The following ARR3 variants were observed in gnomAD, a reference collection of about 807,000 sequenced individuals.
ARR3 encodes the protein arrestin-C.
In ARR3, 14 loss-of-function variants were observed where a neutral mutation model predicts 35.4. The observed-to-expected ratio is 0.40, with a 90% CI of 0.26 to 0.62. The LOEUF (loss-of-function observed/expected upper bound fraction) is 0.62. ARR3 is among the 20% of genes least tolerant of loss of function. The probability of loss-of-function intolerance (pLI) is 0.46; values close to 1 mark genes in which losing one functional copy is unlikely to be tolerated. For synonymous variants in ARR3, 97 were observed against 119.1 expected (o/e 0.81, Z 1.21); for missense variants, 259 against 303.8 (o/e 0.85, Z 1.10).
intron 12 of ARR3, among the ~76,000 whole-genome samples, chrX:70,279,472 T>C (rs2085669368): frequency 8.8e-6 from 1 of 113,003 alleles, no homozygotes; most frequent in African/African-American, 3.2e-5. Flanking sequence ...CATGCAGCTT[T>C]CGCTGTCTTA....
In ARR3 at chrX:70,277,482, C is replaced by T. The variant is rs137906626; in HGVS notation, c.562C>T (p.Leu188Phe). ...CTCAGCCCAGACCATCCGCCGCTTC[C>T]TTCTGTCAGCTCAGCCCCTACAACT... ...GPSAQTIRRF[L>F]LSAQPLQLQA... is the part of the protein sequence containing the mutation. Residue 188 changes from leucine to phenylalanine, a missense_variant, in exon 9 of 17, where the codon CTT (leucine) becomes TTT (phenylalanine). Physicochemically the swap from Leu to Phe is conservative, Grantham distance 22. Coordinates refer to ENST00000307959, the MANE Select transcript of ARR3 (RefSeq NM_004312.3). The T allele has an allele frequency of 8.3e-7, 1 of 1,211,571 alleles. No individual in the cohort carries two copies. Among genetic ancestry groups the T allele is most frequent in the Non-Finnish European group, 1.1e-6 (1 of 895,347 alleles).
At chrX:70,273,040 T>C in intron 5 of ARR3, among the ~76,000 whole-genome samples, 2 of 110,372 alleles carry the variant, frequency 1.8e-5, no homozygotes, top group Middle Eastern at 4.7e-3. Flanking sequence ...CCATTCTATA[T>C]TCCATTAGCG....
At position 70,277,446 on chromosome X, in the gene ARR3, G is replaced by A. The variant is rs1403993319; in HGVS notation, c.526G>A (p.Gly176Ser). Reference protein sequence around the residue: ...RKVQFAPPEAGPGPSAQTIRR... With the variant: ...RKVQFAPPEASPGPSAQTIRR... ...AGTACAATTTGCACCACCGGAGGCA[G>A]GCCCTGGCCCCTCAGCCCAGACCAT... The change falls in exon 9 of 17, where the codon GGC (glycine) becomes AGC (serine). Residue 176 changes from glycine to serine, a missense_variant. Physicochemically the swap from Gly to Ser is moderately conservative, Grantham distance 56. Coordinates refer to ENST00000307959, the MANE Select transcript of ARR3 (RefSeq NM_004312.3). 8.3e-7 allele frequency: 1 copy of A among 1,210,156 alleles called. No homozygotes were observed. Among genetic ancestry groups the A allele is most frequent in the African/African-American group, 1.7e-5 (1 of 57,248 alleles).
intron 5 of ARR3, among the ~76,000 whole-genome samples, chrX:70,271,760 C>A (rs1452738086): frequency 1.8e-5 from 2 of 111,984 alleles, no homozygotes; most frequent in Non-Finnish European, 1.9e-5. Context: ...TATGGTGGAG[C>A]TTTGATTTGT....
At chrX:70,280,403 C>T in intron 13 of ARR3, 125 bp downstream of exon 13, 2 of 961,132 alleles carry the variant, frequency 2.1e-6, no homozygotes, top group Non-Finnish European at 1.4e-6. Flanking sequence ...AGACCAGGTT[C>T]CCAAACCTGT....
rs1172824943 is a variant in ARR3, at chrX:70,281,001, T to C, written c.1067-98T>C. 4 of 607,534 alleles carry C rather than the reference T, an allele frequency of 6.6e-6. No homozygotes were observed. The African/African-American group carries it at 1.4e-4, about 22-fold the overall frequency. 50.1% of individuals were successfully genotyped at this position (607,534 alleles called of 1,213,427 possible). ...TGTGCTGGAGCAAAGGATTGGGAAG[T>C]TGGGGGGGGGGGAAGTAAAGATACT... is the stretch of plus-strand genomic sequence containing the variant. On this transcript the variant is annotated intron_variant, in intron 15 of 16. Coordinates refer to ENST00000307959, the MANE Select transcript of ARR3 (RefSeq NM_004312.3).
chrX:70,278,155 G>A lies in ARR3; in HGVS notation c.767+17G>A. On this transcript the variant is annotated intron_variant, in intron 11 of 16. Transcript: ENST00000307959. ...GGAATTCACGTGAGCTGGTGCTGGGGCTAGGACCAGAGAGCCAAGGGGTGG... is the reference window on the plus strand; with the variant it reads ...GGAATTCACGTGAGCTGGTGCTGGGACTAGGACCAGAGAGCCAAGGGGTGG... 8.3e-7 allele frequency: 1 copy of A among 1,199,627 alleles called. No homozygotes were observed. The highest frequency in any genetic ancestry group is 1.1e-6 in the Non-Finnish European group (1 of 886,403).
rs763163029 is a variant in ARR3, at chrX:70,276,118, G to A, written c.182G>A (p.Arg61His). ...TTGACATGTGCCTTTCGCTATGGCC[G>A]TGATGACTTGGAAGTGATTGGTCTG... ...VMLTCAFRYG[R>H]DDLEVIGLTF... The change falls in exon 6 of 17, where the codon CGT (arginine) becomes CAT (histidine). Residue 61 changes from arginine (R) to histidine (H), a missense_variant. Arg to His is a conservative substitution (Grantham distance 29). Transcript: ENST00000307959. 1.2e-5 allele frequency: 14 copies of A among 1,210,105 alleles called. No homozygotes were observed. The South Asian group carries it at 1.6e-4, about 14-fold the overall frequency.
intron 5 of ARR3, among the ~76,000 whole-genome samples, chrX:70,271,217 A>G (rs1019236790): frequency 5.3e-5 from 6 of 112,506 alleles, no homozygotes; most frequent in Admixed American, 1.9e-4. Context: ...TTCACAAGCT[A>G]TGGAAAGAAA....
chrX:70,278,671 T>C, intron 12 of ARR3, 30 bp downstream of exon 12: 2 of 1,195,829 alleles, frequency 1.7e-6, no homozygotes, highest in Non-Finnish European at 1.1e-6. Flanking sequence ...TCAGCCTCCA[T>C]TTCCTACCCC....
At chrX:70,268,879 CCATTCATT>C (rs58504509) in intron 1 of ARR3, among the ~76,000 whole-genome samples, 7 of 110,848 alleles carry the variant, frequency 6.3e-5, no homozygotes, top group East Asian at 2.8e-4. Context: ...ATTGATTTGT[CCATTCATT>C]CATTCATTCA....
intron 11 of ARR3, 37 bp downstream of exon 11, chrX:70,278,175 G>C: frequency 8.6e-7 from 1 of 1,163,848 alleles, no homozygotes; most frequent in Non-Finnish European, 1.2e-6. Context: ...GAGAGCCAAG[G>C]GGTGGGGTGG....
intron 5 of ARR3, among the ~76,000 whole-genome samples, chrX:70,272,386 CT>C (rs2085633371): frequency 8.9e-6 from 1 of 111,832 alleles, no homozygotes; most frequent in Admixed American, 9.5e-5. Flanking sequence ...AATCACTAAT[CT>C]TTTGATCTTA....
At chrX:70,275,816 C>T (rs1347182725) in intron 5 of ARR3, among the ~76,000 whole-genome samples, 2 of 107,430 alleles carry the variant, frequency 1.9e-5, no homozygotes, top group Admixed American at 2.0e-4. Context: ...ACTACAGGCG[C>T]CCACTACCAC....
At chrX:70,280,845 G>T in intron 15 of ARR3, 27 bp downstream of exon 15, 6 of 1,209,466 alleles carry the variant, frequency 5.0e-6, no homozygotes, top group Non-Finnish European at 6.7e-6. Context: ...AACTCACAGG[G>T]ACGGCTGTCC....
At chrX:70,278,464 C>A (rs375620824) in intron 11 of ARR3, 40 bp from the exon 12 acceptor site, 123 of 1,193,563 alleles carry the variant, frequency 1.0e-4, no homozygotes, top group Non-Finnish European at 1.3e-4. Context: ...GCTTAGTCAG[C>A]AAGCCCAGCC....
intron 1 of ARR3, among the ~76,000 whole-genome samples, chrX:70,268,976 G>A (rs1261919062): frequency 8.9e-6 from 1 of 112,053 alleles, no homozygotes; most frequent in Non-Finnish European, 1.9e-5. Flanking sequence ...TACAGACCAA[G>A]AAACACATTT....
At position 70,276,464 on chromosome X, in the gene ARR3, T is replaced by A; in HGVS notation, c.377T>A (p.Leu126Gln). Residue 126 changes from leucine (L) to glutamine (Q), a missense_variant, in exon 7 of 17, where the codon CTG becomes CAG. Leu to Gln is a moderately radical substitution (Grantham distance 113, BLOSUM62 -2). Coordinates refer to ENST00000307959, the MANE Select transcript of ARR3 (RefSeq NM_004312.3). ...MVTNLPCSVT[L>Q]QPGPEDAGKP... ...ACCAACCTGCCCTGTTCTGTGACACTGCAGCCAGGTCCTGAAGATGCAGGA... is the reference window on the plus strand; with the variant it reads ...ACCAACCTGCCCTGTTCTGTGACACAGCAGCCAGGTCCTGAAGATGCAGGA... 2 of 1,211,926 alleles carry A rather than the reference T, an allele frequency of 1.7e-6. No homozygotes were observed. Among genetic ancestry groups the A allele is most frequent in the Non-Finnish European group, 2.2e-6 (2 of 895,426 alleles).
At chrX:70,278,449 A>G in intron 11 of ARR3, 55 bp from the exon 12 acceptor site, 1 of 1,173,670 alleles carries the variant, frequency 8.5e-7, no homozygotes, top group Non-Finnish European at 1.2e-6. Context: ...TGGGAGTAAA[A>G]GTATGCTTAG....
Sources: gnomAD v4.1 joint callset for allele counts (sites outside exome capture counted in the v4.1 genomes callset) on GRCh38, gnomAD v4.1.1 for gene constraint, MANE v1.5 for transcripts, NCBI Gene and HGNC (gene_info 2026-07-23, HGNC 2026-07-21) for gene names.